CDH11: variants seen among roughly 807,000 people sequenced by gnomAD.
CDH11 encodes cadherin 11.
CDH11 carries 11 observed loss-of-function variants against 67.8 expected under a neutral mutation model. The ratio of observed to expected loss-of-function variants is 0.16; its 90% CI spans 0.10 to 0.27. The LOEUF (loss-of-function observed/expected upper bound fraction) is 0.27, where lower values mean the gene tolerates loss of function less well. Among genes scored for constraint, CDH11 ranks in the 10% least tolerant of loss-of-function variants. The pLI is 1.00. For missense variants in CDH11, 847 were observed against 1,031.2 expected (o/e 0.82, Z 2.45); for synonymous variants, 419 against 400.0 (o/e 1.05, Z -0.57).
chr16:65,008,368 T>G (rs935322671), intron 2 of CDH11, among the ~76,000 whole-genome samples: 1 of 152,226 alleles, frequency 6.6e-6, no homozygotes, highest in Non-Finnish European at 1.5e-5. Context: ...AATGCTTATA[T>G]GACTATATGT....
intron 9 of CDH11, 136 bp from the exon 10 acceptor site, chr16:64,972,200 A>T: frequency 1.4e-6 from 1 of 711,114 alleles, no homozygotes; most frequent in Non-Finnish European, 2.4e-6. Context: ...CACAGAATCG[A>T]TTTAAGAGCT....
chr16:65,024,195 T>A (rs1484730616), intron 2 of CDH11, among the ~76,000 whole-genome samples: 1 of 152,194 alleles, frequency 6.6e-6, no homozygotes, highest in Non-Finnish European at 1.5e-5. Flanking sequence ...GTCTTCTGCT[T>A]CCTCAGGATA....
chr16:64,966,108 A>T (rs2071819014), intron 11 of CDH11, among the ~76,000 whole-genome samples: 1 of 152,088 alleles, frequency 6.6e-6, no homozygotes, highest in Non-Finnish European at 1.5e-5. Context: ...AAATGATAGA[A>T]AATATTATTT....
chr16:64,959,120 A>G (rs894417139), intron 11 of CDH11, among the ~76,000 whole-genome samples: 1 of 152,224 alleles, frequency 6.6e-6, no homozygotes, highest in African/African-American at 2.4e-5. Context: ...AGGGAGCTAC[A>G]CACCACTGTT....
chr16:64,947,667 C>T lies in CDH11; in HGVS notation c.2327G>A (p.Gly776Glu). 1 of 1,614,070 alleles carries T rather than the reference C, an allele frequency of 6.2e-7. No individual in the cohort carries two copies. Among genetic ancestry groups the T allele is most frequent in the Non-Finnish European group, 8.5e-7 (1 of 1,179,966 alleles). Residue 776 changes from glycine to glutamate, a missense_variant, in exon 13 of 13, where the codon GGA becomes GAA. By Grantham distance (98) the Gly-to-Glu change is moderately conservative (BLOSUM62 -2). Coordinates refer to ENST00000268603, the MANE Select transcript of CDH11 (RefSeq NM_001797.4). ...DLDYDYLQNW[G>E]PRFKKLADLY... ...ATCTGCTAGTTTCTTAAAACGAGGTCCCCAGTTCTGTAGATAATCATAGTC... is the reference window on the plus strand; with the variant it reads ...ATCTGCTAGTTTCTTAAAACGAGGTTCCCAGTTCTGTAGATAATCATAGTC...
rs2074286426 is a variant in CDH11, at chr16:65,064,765, T to C, written c.-297-10837A>G. On this transcript the variant is annotated intron_variant, in intron 1 of 12. Transcript: ENST00000268603. ...TGGCTTTCCAGAAATTAGAGCAATA[T>C]AATTTTCTTCAAAAATATTTTTTTA... Among the ~76,000 whole-genome samples, 8 of 152,230 alleles carry C rather than the reference T, an allele frequency of 5.3e-5. No homozygotes were observed. The South Asian group carries it at 1.7e-3, about 32-fold the overall frequency.
rs1567499257 is a variant in CDH11 at position 64,972,081 on chromosome 16, CAG to C, written c.1391-19_1391-18del. ...GCCGATTGTCTGGGAAGACAGAATG[CAG>C]ACAGTCAAGAAAGGTCAAGGAGAAA... On this transcript the variant is annotated intron_variant, in intron 9 of 12. Transcript: ENST00000268603. 6.2e-7 allele frequency: 1 copy of C among 1,612,470 alleles called. No homozygotes were observed. The highest frequency in any genetic ancestry group is 8.5e-7 in the Non-Finnish European group (1 of 1,178,736).
At chr16:64,954,350 C>A (rs894924137) in intron 11 of CDH11, among the ~76,000 whole-genome samples, 1 of 152,170 alleles carries the variant, frequency 6.6e-6, no homozygotes, top group Non-Finnish European at 1.5e-5. Context: ...AGGCTTTCTT[C>A]CTGGGTGAAT....
At chr16:65,016,425 C>T (rs1046987937) in intron 2 of CDH11, among the ~76,000 whole-genome samples, 5 of 152,098 alleles carry the variant, frequency 3.3e-5, no homozygotes, top group Non-Finnish European at 7.4e-5. Context: ...ATGTGGAACA[C>T]TTCTTAGACA....
chr16:64,991,003 G>A (rs999611803), intron 6 of CDH11, among the ~76,000 whole-genome samples: 3 of 152,160 alleles, frequency 2.0e-5, no homozygotes, highest in African/African-American at 7.2e-5. Context: ...TCCATTGAAA[G>A]GTGGGGTCTA....
intron 1 of CDH11, among the ~76,000 whole-genome samples, chr16:65,075,969 C>T (rs969766460): frequency 2.0e-5 from 3 of 152,152 alleles, no homozygotes; most frequent in African/African-American, 7.2e-5. Context: ...AGTACCTATT[C>T]TTTTTGAAAA....
chr16:65,119,571 C>T (rs2075292304), intron 1 of CDH11, among the ~76,000 whole-genome samples: 2 of 152,112 alleles, frequency 1.3e-5, no homozygotes, highest in Admixed American at 6.5e-5. Context: ...CAATAAGCAG[C>T]CATTTGAATA....
intron 2 of CDH11, among the ~76,000 whole-genome samples, chr16:65,035,254 TTA>T (rs761441569): frequency 1.3e-5 from 2 of 152,202 alleles, no homozygotes; most frequent in Non-Finnish European, 2.9e-5. Flanking sequence ...TTGGTGATCA[TTA>T]TCTTATCTAC....
intron 1 of CDH11, among the ~76,000 whole-genome samples, chr16:65,056,459 T>G (rs765771): frequency 6.6e-6 from 1 of 152,038 alleles, no homozygotes; most frequent in African/African-American, 2.4e-5. Context: ...CTGTAAGAGA[T>G]AGTAATACGT....
chr16:65,079,903 T>C (rs1221461232), intron 1 of CDH11, among the ~76,000 whole-genome samples: 1 of 152,230 alleles, frequency 6.6e-6, no homozygotes, highest in African/African-American at 2.4e-5. Flanking sequence ...CTCTTTTCTT[T>C]GCACAGCTCT....
At chr16:65,066,338 T>A (rs531011797) in intron 1 of CDH11, among the ~76,000 whole-genome samples, 1 of 152,296 alleles carries the variant, frequency 6.6e-6, no homozygotes, top group South Asian at 2.1e-4. Context: ...CCAACCACTG[T>A]GATTGGTGGA....
chr16:65,057,970 C>T (rs772200615), intron 1 of CDH11, among the ~76,000 whole-genome samples: 1 of 152,180 alleles, frequency 6.6e-6, no homozygotes, highest in Non-Finnish European at 1.5e-5. Context: ...TGCAGTGGCT[C>T]ATGCCTGTAA....
chr16:65,076,100 G>T (rs1440555010), intron 1 of CDH11, among the ~76,000 whole-genome samples: 1 of 152,172 alleles, frequency 6.6e-6, no homozygotes, highest in African/African-American at 2.4e-5. Context: ...TGTGCCTTGA[G>T]AGTTTGCCAA....
intron 6 of CDH11, chr16:64,991,544 T>G: frequency 2.0e-6 from 1 of 489,080 alleles, no homozygotes; most frequent in Non-Finnish European, 3.7e-6. Context: ...TCCAGGGTTG[T>G]AGAACTTTTT....
Sources: allele counts gnomAD v4.1 joint callset (sites outside exome capture counted in the v4.1 genomes callset), GRCh38; gene constraint gnomAD v4.1.1; transcripts MANE v1.5; gene names NCBI Gene and HGNC (gene_info 2026-07-23, HGNC 2026-07-21).